PAGE2B: variants seen among roughly 807,000 people sequenced by gnomAD.
PAGE2B encodes putative G antigen family E member 3.
Under a neutral mutation model 7.6 loss-of-function variants are expected in PAGE2B, and 5 were observed. The observed-to-expected ratio is 0.66, with a 90% CI of 0.34 to 1.38. The LOEUF (loss-of-function observed/expected upper bound fraction) is 1.38, where lower values mean the gene tolerates loss of function less well. Among genes scored for constraint, PAGE2B ranks in the 40% most tolerant of loss-of-function variants. The pLI is 0.04. For missense variants in PAGE2B, 70 were observed against 78.4 expected (o/e 0.89, Z 0.41); for synonymous variants, 29 against 26.7 (o/e 1.09, Z -0.27).
the PAGE2B span, among the ~76,000 whole-genome samples, chrX:55,066,571 A>C: frequency 9.0e-6 from 1 of 111,709 alleles, no homozygotes; most frequent in African/African-American, 3.3e-5. Context: ...TAGGATAAAA[A>C]ATTTTTTTCC....
chrX:55,065,801 A>AT, the PAGE2B span, among the ~76,000 whole-genome samples: 1 of 112,410 alleles, frequency 8.9e-6, no homozygotes, highest in Non-Finnish European at 1.9e-5. Flanking sequence ...CACTGATTGC[A>AT]TAAAAAACCC....
chrX:55,075,216 G>C (rs1371613903), intron 1 of PAGE2B, 102 bp downstream of exon 1: 1 of 135,791 alleles, frequency 7.4e-6, no homozygotes, highest in African/African-American at 3.2e-5. Context: ...CGTGGCTTCC[G>C]AGGGAAAAGG....
upstream of PAGE2B, among the ~76,000 whole-genome samples, chrX:55,073,429 T>A (rs186856826): frequency 9.0e-6 from 1 of 111,008 alleles, no homozygotes; most frequent in East Asian, 2.8e-4. Context: ...GGTACCTCAG[T>A]TGGAAATGCA....
At chrX:55,037,036 C>A in the PAGE2B span, among the ~76,000 whole-genome samples, 1 of 111,195 alleles carries the variant, frequency 9.0e-6, no homozygotes, top group Non-Finnish European at 1.9e-5. Context: ...GCAACAAAAG[C>A]CAAAACAGAC....
At chrX:55,049,572 A>G in the PAGE2B span, among the ~76,000 whole-genome samples, 3 of 111,825 alleles carry the variant, frequency 2.7e-5, no homozygotes, top group Admixed American at 9.5e-5. Flanking sequence ...CGTTTCTTCT[A>G]GATTTTCTAG....
At chrX:55,052,157 C>T in the PAGE2B span, among the ~76,000 whole-genome samples, 4 of 111,514 alleles carry the variant, frequency 3.6e-5, no homozygotes, top group Admixed American at 9.5e-5. Flanking sequence ...GCTGCCTGAT[C>T]GTTCCTCTGA....
At chrX:55,041,832 A>G in the PAGE2B span, among the ~76,000 whole-genome samples, 1 of 111,787 alleles carries the variant, frequency 8.9e-6, no homozygotes, top group Non-Finnish European at 1.9e-5. Flanking sequence ...CTTCACAACC[A>G]TGGCCCTGGA....
At chrX:55,035,812 A>C in the PAGE2B span, among the ~76,000 whole-genome samples, 1 of 112,122 alleles carries the variant, frequency 8.9e-6, no homozygotes, top group African/African-American at 3.2e-5. Flanking sequence ...ATCTGTTTAA[A>C]GTAGTTTTTT....
the PAGE2B span, among the ~76,000 whole-genome samples, chrX:55,050,449 CT>C: frequency 4.6e-5 from 5 of 108,447 alleles, no homozygotes; most frequent in Non-Finnish European, 7.7e-5. Flanking sequence ...GTCTAAGTCT[CT>C]TTGTAGGTCA....
the PAGE2B span, among the ~76,000 whole-genome samples, chrX:55,063,130 A>G: frequency 1.8e-5 from 2 of 111,372 alleles, no homozygotes; most frequent in South Asian, 3.7e-4. Context: ...TTCTATTTAT[A>G]TGAAGAATAT....
chrX:55,061,359 A>G, the PAGE2B span, among the ~76,000 whole-genome samples: 1 of 110,807 alleles, frequency 9.0e-6, no homozygotes, highest in African/African-American at 3.3e-5. Context: ...TCAGCATAGT[A>G]CCTGATAGGT....
the PAGE2B span, among the ~76,000 whole-genome samples, chrX:55,028,394 G>GCT: frequency 1.8e-5 from 2 of 111,148 alleles, no homozygotes; most frequent in African/African-American, 6.6e-5. Context: ...CCAGGCTCCT[G>GCT]TAAACTCCCC....
the PAGE2B span, among the ~76,000 whole-genome samples, chrX:55,044,576 C>T: frequency 9.1e-6 from 1 of 109,470 alleles, no homozygotes; most frequent in Non-Finnish European, 1.9e-5. Context: ...TGTAATGAAA[C>T]ATCACCTATT....
chrX:55,059,671 A>G, the PAGE2B span, among the ~76,000 whole-genome samples: 1 of 110,979 alleles, frequency 9.0e-6, no homozygotes, highest in African/African-American at 3.3e-5. Context: ...GATACATTAT[A>G]ATTTGCTATA....
At chrX:55,073,326 T>G (rs745364917), upstream of PAGE2B, among the ~76,000 whole-genome samples, 48 of 111,053 alleles carry the variant, frequency 4.3e-4, no homozygotes, top group Admixed American at 5.7e-4. Context: ...TCCTAACTCC[T>G]TACACTTCAC....
chrX:55,077,235 G>A (rs1333285769), intron 3 of PAGE2B, among the ~76,000 whole-genome samples, 164 bp from the exon 4 acceptor site: 3 of 112,180 alleles, frequency 2.7e-5, no homozygotes, highest in Non-Finnish European at 5.6e-5. Flanking sequence ...AAAGGAAAGG[G>A]CAATGTTTGA....
the PAGE2B span, among the ~76,000 whole-genome samples, chrX:55,063,221 A>G: frequency 1.8e-5 from 2 of 111,242 alleles, no homozygotes; most frequent in African/African-American, 6.5e-5. Flanking sequence ...TGATTTTCCC[A>G]ATCCATTAAC....
chrX:55,050,955 C>T, the PAGE2B span, among the ~76,000 whole-genome samples: 1 of 111,515 alleles, frequency 9.0e-6, no homozygotes, highest in Non-Finnish European at 1.9e-5. Context: ...ACCGGTTGTT[C>T]CTTTCCATTT....
the PAGE2B span, among the ~76,000 whole-genome samples, chrX:55,049,729 C>G: frequency 9.0e-6 from 1 of 110,878 alleles, no homozygotes; most frequent in South Asian, 3.8e-4. Flanking sequence ...AGCGGTCTAT[C>G]AATTTTGTTG....
Sources: allele counts gnomAD v4.1 joint callset (sites outside exome capture counted in the v4.1 genomes callset), GRCh38; gene constraint gnomAD v4.1.1; transcripts MANE v1.5; gene names NCBI Gene and HGNC (gene_info 2026-07-23, HGNC 2026-07-21).